The following SORCS3 variants were observed in gnomAD, a reference collection of about 807,000 sequenced individuals.
The protein encoded by SORCS3 is VPS10 domain-containing receptor SorCS3.
Under a neutral mutation model 146.3 loss-of-function variants are expected in SORCS3, and 57 were observed. That is an observed-to-expected ratio of 0.39 (90% CI 0.31 to 0.49). The LOEUF (loss-of-function observed/expected upper bound fraction) is 0.49, where lower values mean the gene tolerates loss of function less well. SORCS3 is among the 20% of genes least tolerant of loss of function. The pLI is 0.92. For missense variants in SORCS3, 1,341 were observed against 1,575.5 expected, an observed-to-expected ratio of 0.85 and a Z score of 2.52; for synonymous variants, 653 against 618.5, an observed-to-expected ratio of 1.06 and a Z score of -0.83.
At chr10:104,977,527 A>C in intron 4 of SORCS3, 34 bp downstream of exon 4, 1 of 1,553,378 alleles carries the variant, frequency 6.4e-7, no homozygotes, top group Non-Finnish European at 8.7e-7. Context: ...ACTTCTTGTC[A>C]TCCAGGTACC....
intron 11 of SORCS3, among the ~76,000 whole-genome samples, chr10:105,159,716 C>CTGTGACTTTCATT (rs2056245885): frequency 1.3e-5 from 2 of 152,326 alleles, no homozygotes; most frequent in South Asian, 4.1e-4. Flanking sequence ...CTAATGAAAG[C>CTGTGACTTTCATT]AGATAAATTC....
chr10:104,648,652 T>A (rs190885784), intron 1 of SORCS3, among the ~76,000 whole-genome samples: 74 of 152,324 alleles, frequency 4.9e-4, no homozygotes, highest in African/African-American at 1.6e-3. Context: ...TGAGTCACTT[T>A]GTAATTTGAG....
In SORCS3 at chr10:105,079,927, T is replaced by A. The variant is rs540717849; in HGVS notation, c.1029-9848T>A. 1.4e-3 allele frequency among the ~76,000 whole-genome samples: 207 copies of A among 152,364 alleles called. 2 individuals are homozygous for A. Among genetic ancestry groups the A allele is most frequent in the African/African-American group, 4.7e-3 (194 of 41,588 alleles). On this transcript the variant is annotated intron_variant, in intron 5 of 26. Coordinates refer to ENST00000369701, the MANE Select transcript of SORCS3 (RefSeq NM_014978.3). ...TGGCTGCATGGTGTACCATGGTGTATATGTACCATATTTTCTTTATCCAGT... is the reference window on the plus strand; with the variant it reads ...TGGCTGCATGGTGTACCATGGTGTAAATGTACCATATTTTCTTTATCCAGT...
At chr10:104,967,632 C>G (rs1298814289) in intron 3 of SORCS3, among the ~76,000 whole-genome samples, 1 of 152,020 alleles carries the variant, frequency 6.6e-6, no homozygotes, top group Non-Finnish European at 1.5e-5. Context: ...CTCCAACCTG[C>G]TTGGCATCAC....
intron 2 of SORCS3, among the ~76,000 whole-genome samples, chr10:104,852,279 A>G (rs774212696): frequency 4.6e-5 from 7 of 152,196 alleles, no homozygotes; most frequent in African/African-American, 1.2e-4. Flanking sequence ...TGGGACCCCA[A>G]TCTGGATCTT....
At chr10:105,017,984 T>G (rs755445962) in intron 4 of SORCS3, among the ~76,000 whole-genome samples, 5 of 152,138 alleles carry the variant, frequency 3.3e-5, no homozygotes, top group African/African-American at 4.8e-5. Context: ...GTTTTACATG[T>G]GGTTGTATGC....
intron 7 of SORCS3, among the ~76,000 whole-genome samples, chr10:105,107,546 A>G (rs1173447514): frequency 1.3e-5 from 2 of 152,026 alleles, no homozygotes; most frequent in Non-Finnish European, 2.9e-5. Flanking sequence ...CTTTTTTATT[A>G]TACTGGAAGC....
intron 3 of SORCS3, among the ~76,000 whole-genome samples, chr10:104,974,581 A>G (rs1225034238): frequency 6.6e-6 from 1 of 152,042 alleles, no homozygotes; most frequent in African/African-American, 2.4e-5. Flanking sequence ...TTTTGAGCCT[A>G]CGTGTGTCTC....
chr10:104,888,597 G>T (rs1429588081), intron 2 of SORCS3, among the ~76,000 whole-genome samples: 1 of 151,932 alleles, frequency 6.6e-6, no homozygotes, highest in Admixed American at 6.6e-5. Context: ...ATAAAACCTT[G>T]GAAATGGCAG....
At chr10:105,212,262 C>T (rs1253495149) in intron 17 of SORCS3, among the ~76,000 whole-genome samples, 2 of 152,134 alleles carry the variant, frequency 1.3e-5, no homozygotes, top group East Asian at 3.9e-4. Context: ...AGGGCTATTC[C>T]TGGAGCCTGA....
chr10:104,958,766 C>T (rs138678886), intron 3 of SORCS3, among the ~76,000 whole-genome samples: 95 of 152,270 alleles, frequency 6.2e-4, no homozygotes, highest in Middle Eastern at 3.4e-3. Flanking sequence ...AACTGACTCA[C>T]AGTTCCACAT....
chr10:104,718,711 A>C (rs754231420), intron 1 of SORCS3, among the ~76,000 whole-genome samples: 1 of 152,232 alleles, frequency 6.6e-6, no homozygotes, highest in African/African-American at 2.4e-5. Context: ...TGAGAATTTC[A>C]GTAAAGACCA....
chr10:104,663,780 G>C (rs2015732431), intron 1 of SORCS3, among the ~76,000 whole-genome samples: 1 of 152,156 alleles, frequency 6.6e-6, no homozygotes, highest in East Asian at 1.9e-4. Context: ...TGCTGCTGCT[G>C]AATGAACCAG....
At chr10:104,916,766 T>C (rs767281874) in intron 3 of SORCS3, among the ~76,000 whole-genome samples, 2 of 150,894 alleles carry the variant, frequency 1.3e-5, no homozygotes, top group Admixed American at 6.6e-5. Flanking sequence ...TCTAAAAGGC[T>C]AAAAAAAAAT....
intron 25 of SORCS3, among the ~76,000 whole-genome samples, chr10:105,257,635 T>G (rs977063562): frequency 1.1e-4 from 16 of 152,348 alleles, no homozygotes; most frequent in African/African-American, 3.8e-4. Flanking sequence ...AAGATCCAAT[T>G]TTAACTTTTA....
At chr10:104,777,510 C>T (rs1005495125) in intron 1 of SORCS3, among the ~76,000 whole-genome samples, 1 of 152,208 alleles carries the variant, frequency 6.6e-6, no homozygotes, top group African/African-American at 2.4e-5. Context: ...TTCTTTCCTA[C>T]CTCCCATCTG....
chr10:105,046,260 A>C (rs1003754008), intron 5 of SORCS3, among the ~76,000 whole-genome samples: 3 of 152,104 alleles, frequency 2.0e-5, no homozygotes, highest in African/African-American at 7.2e-5. Flanking sequence ...AAATATTACA[A>C]ATAACAATAT....
chr10:104,658,631 A>T (rs1050984103), intron 1 of SORCS3, among the ~76,000 whole-genome samples: 2 of 152,212 alleles, frequency 1.3e-5, no homozygotes, highest in Non-Finnish European at 2.9e-5. Context: ...GTGGGATTAC[A>T]GGTGTGAGCC....
chr10:105,175,265 TAGTC>T (rs2056391968), intron 13 of SORCS3, among the ~76,000 whole-genome samples: 1 of 151,380 alleles, frequency 6.6e-6, no homozygotes, highest in Non-Finnish European at 1.5e-5. Flanking sequence ...TTCACCGTGT[TAGTC>T]AGGCTGGTCT....
Sources: gnomAD v4.1 joint callset for allele counts (sites outside exome capture counted in the v4.1 genomes callset) on GRCh38, gnomAD v4.1.1 for gene constraint, MANE v1.5 for transcripts, NCBI Gene and HGNC (gene_info 2026-07-23, HGNC 2026-07-21) for gene names.